PDZRN3: variants seen among roughly 807,000 people sequenced by gnomAD.
The protein encoded by PDZRN3 is E3 ubiquitin-protein ligase PDZRN3.
A neutral mutation model predicts 85.7 loss-of-function variants in PDZRN3; 38 were observed. The observed-to-expected ratio is 0.44, with a 90% CI of 0.34 to 0.58. The LOEUF is 0.58. Ranked by LOEUF, PDZRN3 falls within the 20% of genes least tolerant of loss-of-function variation. The probability of loss-of-function intolerance (pLI) is 0.01; values close to 1 mark genes in which losing one functional copy is unlikely to be tolerated. For missense variants in PDZRN3, 1,629 were observed against 1,506.4 expected, an observed-to-expected ratio of 1.08 and a Z score of -1.35; for synonymous variants, 759 against 638.0, an observed-to-expected ratio of 1.19 and a Z score of -2.86.
chr3:73,410,860 G>C (rs1009845761), intron 3 of PDZRN3, among the ~76,000 whole-genome samples: 1 of 152,208 alleles, frequency 6.6e-6, no homozygotes, highest in African/African-American at 2.4e-5. Flanking sequence ...TGTCCATTAA[G>C]CTACAGTATA....
intron 3 of PDZRN3, among the ~76,000 whole-genome samples, chr3:73,528,767 T>C (rs1704583174): frequency 6.6e-6 from 1 of 152,162 alleles, no homozygotes; most frequent in Non-Finnish European, 1.5e-5. Flanking sequence ...TGGTAAAGAA[T>C]TTCTTGTTGT....
In PDZRN3 at chr3:73,384,139, G is replaced by A. The variant is rs761711507; in HGVS notation, c.2427C>T (p.Leu809=). 8.1e-6 allele frequency: 13 copies of A among 1,614,130 alleles called. No homozygotes were observed. The highest frequency in any genetic ancestry group is 2.2e-5 in the East Asian group (1 of 44,822). ...EAYGPASKNL[L]SITEDPEVGT... The stretch of plus-strand genomic sequence containing the variant: ...CCACTTCGGGATCTTCCGTGATGGA[G>A]AGCAGATTCTTGGAGGCTGGCCCGT... The change falls in exon 10 of 10, where the codon CTC becomes CTT. Residue 809 remains leucine, a synonymous_variant. Transcript: ENST00000263666.
Position 73,383,600 on chromosome 3 carries a change from C to CGCT in PDZRN3, c.2963_2965dup (p.Gln988dup). On this transcript the variant is annotated inframe_insertion, in exon 10 of 10. Transcript: ENST00000263666. ...CTGCATCATGAACTCGCGCCGCCGCCGCTGCTCCTTGGCCTTCACCAGGTG... is the reference window on the plus strand; with the variant it reads ...CTGCATCATGAACTCGCGCCGCCGCCGCTGCTGCTCCTTGGCCTTCACCAGGTG... The CGCT allele has an allele frequency of 1.9e-6, 3 of 1,614,092 alleles. No individual in the cohort carries two copies. Among genetic ancestry groups the CGCT allele is most frequent in the African/African-American group, 1.3e-5 (1 of 75,044 alleles).
chr3:73,390,262 T>C (rs889340734), intron 6 of PDZRN3, among the ~76,000 whole-genome samples: 4 of 152,242 alleles, frequency 2.6e-5, no homozygotes, highest in East Asian at 1.9e-4. Context: ...CAAATACTTG[T>C]ATTAAAATTT....
At position 73,434,075 on chromosome 3, in the gene PDZRN3, CAAT is replaced by C. The variant is rs374375177; in HGVS notation, c.919-29683_919-29681del. The C allele has an allele frequency of 9.4e-4, 417 of 442,258 alleles. 11 individuals carry two copies. In the South Asian group the frequency reaches 0.033, roughly 35 times the overall value. 27.4% of individuals were successfully genotyped at this position (442,258 alleles called of 1,614,324 possible). ...GCTCTCATTGACTATTCATAACAGACAATGATACAGAAGCTATAATTGCCAACT... is the reference window on the plus strand; with the variant it reads ...GCTCTCATTGACTATTCATAACAGACGATACAGAAGCTATAATTGCCAACT... On this transcript the variant is annotated intron_variant, in intron 3 of 9. Coordinates refer to ENST00000263666, the MANE Select transcript of PDZRN3 (RefSeq NM_015009.3).
At chr3:73,397,911 GTTGT>G (rs1701672720) in intron 5 of PDZRN3, among the ~76,000 whole-genome samples, 1 of 152,130 alleles carries the variant, frequency 6.6e-6, no homozygotes, top group African/African-American at 2.4e-5. Flanking sequence ...CCTTATTCTG[GTTGT>G]TTAAGAAGAA....
intron 3 of PDZRN3, among the ~76,000 whole-genome samples, chr3:73,528,838 T>TG (rs1704585223): frequency 6.6e-6 from 1 of 151,584 alleles, no homozygotes; most frequent in South Asian, 2.1e-4. Context: ...AGAAGGGGAA[T>TG]GGCAAGGTAA....
chr3:73,554,353 G>GACACACAC (rs35130068), intron 3 of PDZRN3, among the ~76,000 whole-genome samples: 71 of 147,662 alleles, frequency 4.8e-4, no homozygotes, highest in African/African-American at 1.4e-3. Flanking sequence ...GTTGAGAGAA[G>GACACACAC]ACACACACAC....
chr3:73,481,519 G>A (rs1027769591), intron 3 of PDZRN3, among the ~76,000 whole-genome samples: 1 of 151,998 alleles, frequency 6.6e-6, no homozygotes, highest in East Asian at 1.9e-4. Context: ...TAGTAGAGAT[G>A]GGGTTTCTCC....
chr3:73,492,381 T>C (rs1703788175), intron 3 of PDZRN3, among the ~76,000 whole-genome samples: 1 of 152,174 alleles, frequency 6.6e-6, no homozygotes, highest in African/African-American at 2.4e-5. Context: ...CCTGGTCTCA[T>C]TCCCTCTTGT....
intron 3 of PDZRN3, among the ~76,000 whole-genome samples, chr3:73,571,541 A>T (rs1270583480): frequency 6.6e-6 from 1 of 152,192 alleles, no homozygotes; most frequent in Non-Finnish European, 1.5e-5. Flanking sequence ...GCAAGGGTAA[A>T]ATCCTTAAGT....
rs774202800 is a variant in PDZRN3, at chr3:73,495,973, CT to C, written c.919-91579del. ...ACCCTTCCCCCTATCCCCATCCCCCCTGCCAAGATTTTCAGCACCATATATC... is the reference window on the plus strand; with the variant it reads ...ACCCTTCCCCCTATCCCCATCCCCCCGCCAAGATTTTCAGCACCATATATC... On this transcript the variant is annotated intron_variant, in intron 3 of 9. Coordinates refer to ENST00000263666, the MANE Select transcript of PDZRN3 (RefSeq NM_015009.3). Among the ~76,000 whole-genome samples the C allele has an allele frequency of 1.9e-3, 292 of 151,958 alleles. 1 individual carries two copies. The highest frequency in any genetic ancestry group is 3.1e-3 in the Non-Finnish European group (210 of 67,946).
At chr3:73,471,075 C>CA (rs1299574273) in intron 3 of PDZRN3, among the ~76,000 whole-genome samples, 36 of 152,080 alleles carry the variant, frequency 2.4e-4, no homozygotes, top group Non-Finnish European at 4.9e-4. Context: ...GAAATAGGGT[C>CA]TTTACAGAGG....
At chr3:73,504,305 G>C (rs1704033522) in intron 3 of PDZRN3, among the ~76,000 whole-genome samples, 1 of 152,158 alleles carries the variant, frequency 6.6e-6, no homozygotes, top group Non-Finnish European at 1.5e-5. Context: ...ACTGAAGAAA[G>C]GAAACATATT....
chr3:73,568,078 C>G (rs1701979903), intron 3 of PDZRN3, among the ~76,000 whole-genome samples: 1 of 151,998 alleles, frequency 6.6e-6, no homozygotes, highest in Admixed American at 6.5e-5. Context: ...AACAGACAAG[C>G]AACAAAGATA....
intron 3 of PDZRN3, among the ~76,000 whole-genome samples, chr3:73,572,650 T>C (rs1295160201): frequency 6.6e-6 from 1 of 152,090 alleles, no homozygotes. Context: ...CTGCAAGCAG[T>C]GGGACAGCAG....
chr3:73,392,341 G>A (rs1303840662), intron 5 of PDZRN3, among the ~76,000 whole-genome samples: 1 of 152,238 alleles, frequency 6.6e-6, no homozygotes, highest in Non-Finnish European at 1.5e-5. Flanking sequence ...CCATCAAAAG[G>A]TTTTAAGTGA....
chr3:73,459,867 C>G (rs1278424144), intron 3 of PDZRN3, among the ~76,000 whole-genome samples: 2 of 152,140 alleles, frequency 1.3e-5, no homozygotes, highest in Admixed American at 6.5e-5. Context: ...AAGAACTTGC[C>G]CAGGTCACCC....
At chr3:73,569,383 T>C in intron 3 of PDZRN3, 2 of 1,200,278 alleles carry the variant, frequency 1.7e-6, no homozygotes, top group Non-Finnish European at 2.1e-6. Flanking sequence ...GGGGGCCACA[T>C]GTGTGCCGCA....
Sources: allele counts gnomAD v4.1 joint callset (sites outside exome capture counted in the v4.1 genomes callset), GRCh38; gene constraint gnomAD v4.1.1; transcripts MANE v1.5; gene names NCBI Gene and HGNC (gene_info 2026-07-23, HGNC 2026-07-21).